The following PRDM5 variants were observed in gnomAD, a reference collection of about 807,000 sequenced individuals.
PRDM5 encodes the protein PR domain zinc finger protein 5.
In PRDM5, 56 loss-of-function variants were observed where a neutral mutation model predicts 81.2. The ratio of observed to expected loss-of-function variants is 0.69; its 90% CI spans 0.56 to 0.86. PRDM5 has a LOEUF of 0.86. Among genes scored for constraint, PRDM5 ranks in the 40% least tolerant of loss-of-function variants. PRDM5 has a pLI of 0.00. For synonymous variants in PRDM5, 267 were observed against 256.4 expected (o/e 1.04, Z -0.39); for missense variants, 697 against 770.1 (o/e 0.91, Z 1.12).
chr4:120,729,079 A>G (rs1739874127), intron 14 of PRDM5, among the ~76,000 whole-genome samples: 1 of 152,158 alleles, frequency 6.6e-6, no homozygotes, highest in Admixed American at 6.5e-5. Context: ...GTGTATAGAG[A>G]TGAAGTCTCA....
intron 13 of PRDM5, among the ~76,000 whole-genome samples, chr4:120,763,219 C>T (rs761778141): frequency 2.0e-5 from 3 of 151,854 alleles, no homozygotes; most frequent in African/African-American, 7.3e-5. Context: ...ACTTTTCAGT[C>T]GGAAATCATA....
At chr4:120,884,860 C>G (rs1488373982) in intron 2 of PRDM5, among the ~76,000 whole-genome samples, 1 of 151,922 alleles carries the variant, frequency 6.6e-6, no homozygotes, top group Non-Finnish European at 1.5e-5. Flanking sequence ...TTTCCCTTTC[C>G]CAGTTCAAAA....
At chr4:120,725,629 G>A (rs531434111) in intron 14 of PRDM5, among the ~76,000 whole-genome samples, 1 of 152,180 alleles carries the variant, frequency 6.6e-6, no homozygotes, top group South Asian at 2.1e-4. Context: ...GACTAGCCTG[G>A]TTTTAGCCCT....
At chr4:120,810,868 A>T (rs751245846) in intron 8 of PRDM5, among the ~76,000 whole-genome samples, 13 of 152,228 alleles carry the variant, frequency 8.5e-5, no homozygotes, top group Non-Finnish European at 5.9e-5. Context: ...ACATGTTATA[A>T]GTTAAACCCA....
At chr4:120,914,999 G>A (rs527594243) in intron 1 of PRDM5, among the ~76,000 whole-genome samples, 124 of 152,132 alleles carry the variant, frequency 8.2e-4, no homozygotes, top group Non-Finnish European at 1.5e-3. Context: ...CTGGACACTC[G>A]GAAGAGACAG....
intron 14 of PRDM5, among the ~76,000 whole-genome samples, chr4:120,726,884 C>T (rs1001360020): frequency 2.6e-5 from 4 of 152,130 alleles, no homozygotes; most frequent in African/African-American, 7.2e-5. Context: ...GGCAATGGCT[C>T]CTAATGGGAC....
intron 10 of PRDM5, among the ~76,000 whole-genome samples, chr4:120,793,561 T>C (rs988120946): frequency 1.3e-5 from 2 of 152,244 alleles, no homozygotes; most frequent in Admixed American, 6.5e-5. Context: ...CACTGTAGTA[T>C]AGCCTTGTGG....
chr4:120,815,134 A>G (rs1279819254), intron 7 of PRDM5, among the ~76,000 whole-genome samples: 2 of 152,224 alleles, frequency 1.3e-5, no homozygotes, highest in East Asian at 3.8e-4. Context: ...TGAAAGTTCT[A>G]TTACAATATA....
intron 14 of PRDM5, among the ~76,000 whole-genome samples, chr4:120,721,288 C>A (rs1041950873): frequency 6.6e-6 from 1 of 152,166 alleles, no homozygotes; most frequent in Non-Finnish European, 1.5e-5. Context: ...ACCCTGCCTG[C>A]ACATTTAAAC....
At position 120,745,495 on chromosome 4, in the gene PRDM5, C is replaced by G. The variant is rs1367237454; in HGVS notation, c.1623+9058G>C. 7.3e-5 allele frequency among the ~76,000 whole-genome samples: 11 copies of G among 150,992 alleles called. No individual in the cohort carries two copies. In the East Asian group the frequency reaches 2.1e-3, roughly 29 times the overall value. ...TAGGAAAAGAGGAAGTCAAATTGTCCCTGTTTGCAGATGAGATGATTGTAT... is the reference window on the plus strand; with the variant it reads ...TAGGAAAAGAGGAAGTCAAATTGTCGCTGTTTGCAGATGAGATGATTGTAT... On this transcript the variant is annotated intron_variant, in intron 14 of 15. Transcript: ENST00000264808.
chr4:120,920,501 T>G (rs1724769235), intron 1 of PRDM5, among the ~76,000 whole-genome samples: 1 of 152,204 alleles, frequency 6.6e-6, no homozygotes, highest in South Asian at 2.1e-4. Context: ...ACTGTTTGCC[T>G]TCCATAAGCA....
At chr4:120,895,878 G>C (rs1035154957) in intron 2 of PRDM5, among the ~76,000 whole-genome samples, 2 of 152,132 alleles carry the variant, frequency 1.3e-5, no homozygotes, top group Admixed American at 1.3e-4. Context: ...TTGCTTTGTT[G>C]CAATCTCTTC....
At chr4:120,724,787 A>G (rs1317203641) in intron 14 of PRDM5, among the ~76,000 whole-genome samples, 3 of 152,250 alleles carry the variant, frequency 2.0e-5, no homozygotes, top group Admixed American at 6.5e-5. Flanking sequence ...GCTATCACAC[A>G]TGCAGCTAAT....
chr4:120,799,044 G>A lies in PRDM5; in HGVS notation c.1030+617C>T, dbSNP rs954813990. Reference sequence around the variant, plus strand: ...ATTCAAAAACATTCTGACTTCAATCGCCTCAAATTACAGATATCTTAAACT... The same window carrying A: ...ATTCAAAAACATTCTGACTTCAATCACCTCAAATTACAGATATCTTAAACT... On this transcript the variant is annotated intron_variant, in intron 9 of 15. Coordinates refer to ENST00000264808, the MANE Select transcript of PRDM5 (RefSeq NM_018699.4). Among the ~76,000 whole-genome samples the A allele has an allele frequency of 3.3e-5, 5 of 152,014 alleles. No individual in the cohort carries two copies. In the East Asian group the frequency reaches 7.7e-4, roughly 23 times the overall value.
intron 10 of PRDM5, among the ~76,000 whole-genome samples, chr4:120,786,663 TA>T (rs1158745217): frequency 6.6e-6 from 1 of 152,170 alleles, no homozygotes; most frequent in African/African-American, 2.4e-5. Context: ...AGTAAATTTT[TA>T]AATAACTTTT....
chr4:120,734,708 T>C (rs909065357), intron 14 of PRDM5, among the ~76,000 whole-genome samples: 2 of 152,180 alleles, frequency 1.3e-5, no homozygotes, highest in Non-Finnish European at 2.9e-5. Flanking sequence ...TGGACAATAT[T>C]CTGGGGCTTA....
chr4:120,784,644 T>C (rs904455669), intron 11 of PRDM5, among the ~76,000 whole-genome samples: 1 of 152,004 alleles, frequency 6.6e-6, no homozygotes, highest in Non-Finnish European at 1.5e-5. Flanking sequence ...TTTTAAAGAG[T>C]CTGACACGTT....
chr4:120,859,888 C>T (rs1427262883), intron 2 of PRDM5, among the ~76,000 whole-genome samples: 2 of 152,182 alleles, frequency 1.3e-5, no homozygotes, highest in Non-Finnish European at 2.9e-5. Flanking sequence ...AGTTCCATTA[C>T]TGTCCGGGTT....
At chr4:120,877,388 T>C (rs1579082546) in intron 2 of PRDM5, among the ~76,000 whole-genome samples, 1 of 152,240 alleles carries the variant, frequency 6.6e-6, no homozygotes, top group East Asian at 1.9e-4. Context: ...AGTTATTTAT[T>C]TGGCCAGCTG....
Sources: allele counts gnomAD v4.1 joint callset (sites outside exome capture counted in the v4.1 genomes callset), GRCh38; gene constraint gnomAD v4.1.1; transcripts MANE v1.5; gene names NCBI Gene and HGNC (gene_info 2026-07-23, HGNC 2026-07-21).